Variants in PRKDC observed in about 807,000 individuals in gnomAD.
PRKDC encodes the protein protein kinase, DNA-activated, catalytic subunit, also known as DNA-dependent protein kinase catalytic subunit.
PRKDC carries 82 observed loss-of-function variants against 486.9 expected under a neutral mutation model. That is an observed-to-expected ratio of 0.17 (90% CI 0.14 to 0.20). The LOEUF is 0.20. Ranked by LOEUF, PRKDC falls within the 10% of genes least tolerant of loss-of-function variation. PRKDC has a pLI of 1.00. For missense variants in PRKDC, 4,504 were observed against 5,038.2 expected, an observed-to-expected ratio of 0.89 and a Z score of 3.21; for synonymous variants, 1,895 against 1,837.0, an observed-to-expected ratio of 1.03 and a Z score of -0.81.
intron 57 of PRKDC, 144 bp from the exon 58 acceptor site, chr8:47,836,671 C>A: frequency 1.3e-6 from 1 of 785,932 alleles, no homozygotes; most frequent in Non-Finnish European, 1.9e-6. Flanking sequence ...TGAAGAAGAA[C>A]CTTCTCTAAT....
At chr8:47,886,883 T>G (rs567922177) in intron 35 of PRKDC, among the ~76,000 whole-genome samples, 1 of 152,148 alleles carries the variant, frequency 6.6e-6, no homozygotes, top group African/African-American at 2.4e-5. Flanking sequence ...AGAAACAGGG[T>G]CTCGCTATGT....
At chr8:47,912,343 T>C in intron 25 of PRKDC, 67 bp downstream of exon 25, 1 of 1,434,740 alleles carries the variant, frequency 7.0e-7, no homozygotes, top group Admixed American at 2.5e-5. Context: ...ACTGCTCTGC[T>C]GACCACTGAA....
At chr8:47,910,916 GAAT>G (rs1306102406) in intron 25 of PRKDC, among the ~76,000 whole-genome samples, 1 of 151,792 alleles carries the variant, frequency 6.6e-6, no homozygotes, top group Non-Finnish European at 1.5e-5. Flanking sequence ...AAATATATGA[GAAT>G]AATATATGAA....
intron 34 of PRKDC, among the ~76,000 whole-genome samples, chr8:47,888,141 G>A (rs1305280557): frequency 6.6e-6 from 1 of 152,168 alleles, no homozygotes; most frequent in Non-Finnish European, 1.5e-5. Flanking sequence ...GCCTCCCAAA[G>A]TGCTGGGATT....
intron 27 of PRKDC, among the ~76,000 whole-genome samples, chr8:47,900,834 G>A (rs1195561268): frequency 2.6e-5 from 4 of 151,268 alleles, no homozygotes; most frequent in African/African-American, 9.7e-5. Context: ...GGGCAACAGA[G>A]CAAGACTCCA....
intron 41 of PRKDC, 100 bp from the exon 42 acceptor site, chr8:47,863,677 A>C (rs1454761305): frequency 9.6e-7 from 1 of 1,043,126 alleles, no homozygotes; most frequent in African/African-American, 1.7e-5. Flanking sequence ...TTAGACAGAC[A>C]GAATTTTAAC....
At chr8:47,891,084 C>G (rs2089446192) in intron 31 of PRKDC, among the ~76,000 whole-genome samples, 1 of 152,174 alleles carries the variant, frequency 6.6e-6, no homozygotes, top group Non-Finnish European at 1.5e-5. Flanking sequence ...TGAAAACACC[C>G]TGGAGCTTGT....
rs759650467 is a variant in PRKDC, at chr8:47,862,091, G to A, written c.5956C>T (p.Arg1986Cys). The A allele has an allele frequency of 3.0e-5, 47 of 1,552,466 alleles. 1 individual carries two copies. Among genetic ancestry groups the A allele is most frequent in the South Asian group, 2.0e-4 (17 of 83,500 alleles). Reference sequence around the variant, plus strand: ...ACTTCTACAGGAAAATTATAGCGGCGCTTCAGGTCGATCAGATTTTCAAAA... The same window carrying A: ...ACTTCTACAGGAAAATTATAGCGGCACTTCAGGTCGATCAGATTTTCAAAA... Reference protein sequence around the residue: ...LIFENLIDLKRRYNFPVEVEV... With the variant: ...LIFENLIDLKCRYNFPVEVEV... Residue 1986 changes from arginine (R) to cysteine (C), a missense_variant, in exon 44 of 86, where the codon CGC becomes TGC. Transcript: ENST00000314191.
Position 47,950,854 on chromosome 8 carries a change from T to C in PRKDC, c.721+2766A>G, listed in dbSNP as rs758351865. 1.7e-4 allele frequency among the ~76,000 whole-genome samples: 25 copies of C among 151,240 alleles called. 1 individual carries two copies. Among genetic ancestry groups the C allele is most frequent in the South Asian group, 4.2e-4 (2 of 4,794 alleles). On this transcript the variant is annotated intron_variant, in intron 7 of 85. Coordinates refer to ENST00000314191, the MANE Select transcript of PRKDC (RefSeq NM_006904.7). ...AAGGAGCCAGGCATGGTGGTGCCTA[T>C]AGTCTCAGCTATTTTTGATGCTGAG...
Position 47,936,461 on chromosome 8 carries a change from C to T in PRKDC, c.1170G>A (p.Gln390=). Residue 390 remains glutamine (Q), a synonymous_variant, in exon 12 of 86, where the codon CAG becomes CAA. Coordinates refer to ENST00000314191, the MANE Select transcript of PRKDC (RefSeq NM_006904.7). The part of the protein sequence containing the change: ...DVDFMYVELI[Q]RCKQMFLTQT... ...GGGTGAGGAACATCTGCTTGCAGCG[C>T]TGAATGAGCTCAACGTACATGAAGT... 6.2e-7 allele frequency: 1 copy of T among 1,614,012 alleles called. No individual in the cohort carries two copies. Among genetic ancestry groups the T allele is most frequent in the Admixed American group, 1.7e-5 (1 of 60,008 alleles).
At chr8:47,812,086 A>G (rs2087340867) in intron 68 of PRKDC, among the ~76,000 whole-genome samples, 1 of 152,254 alleles carries the variant, frequency 6.6e-6, no homozygotes, top group South Asian at 2.1e-4. Context: ...TTCATTAGGA[A>G]GACAGCAGTT....
Position 47,823,848 on chromosome 8 carries a change from T to C in PRKDC, c.8922+10A>G, listed in dbSNP as rs761917462. ...AGTAAATGTCATATTTTGCCAGAGATCAATTTTACCTCATCATACTGCTTA... is the reference window on the plus strand; with the variant it reads ...AGTAAATGTCATATTTTGCCAGAGACCAATTTTACCTCATCATACTGCTTA... On this transcript the variant is annotated intron_variant, in intron 64 of 85. Transcript: ENST00000314191. 33 of 1,612,408 alleles carry C rather than the reference T, an allele frequency of 2.0e-5. No individual in the cohort carries two copies. The highest frequency in any genetic ancestry group is 2.5e-5 in the Non-Finnish European group (29 of 1,179,188).
chr8:47,939,539 A>C lies in PRKDC; in HGVS notation c.1113+12T>G. The C allele has an allele frequency of 6.2e-7, 1 of 1,604,512 alleles. No individual in the cohort carries two copies. The highest frequency in any genetic ancestry group is 2.2e-5 in the East Asian group (1 of 44,802). On this transcript the variant is annotated intron_variant, in intron 11 of 85. Transcript: ENST00000314191. ...AAACCAAGACAAAATAGAGTAAGTT[A>C]ATGAGACATACTCCTGCAAAAAGTC...
chr8:47,838,051 G>T (rs570702394), intron 56 of PRKDC, among the ~76,000 whole-genome samples: 2 of 151,936 alleles, frequency 1.3e-5, no homozygotes, highest in African/African-American at 4.8e-5. Context: ...CAGGAGAATC[G>T]CTTGAACCTA....
At chr8:47,827,768 T>A (rs976526401) in intron 62 of PRKDC, among the ~76,000 whole-genome samples, 2 of 152,200 alleles carry the variant, frequency 1.3e-5, no homozygotes, top group African/African-American at 4.8e-5. Context: ...TTTTGCCTCT[T>A]CATCAATGTG....
At chr8:47,909,301 C>A (rs571764872) in intron 25 of PRKDC, among the ~76,000 whole-genome samples, 12 of 152,276 alleles carry the variant, frequency 7.9e-5, no homozygotes, top group Non-Finnish European at 1.5e-4. Context: ...TAATTTCTTA[C>A]ACCTCTCTTT....
intron 15 of PRKDC, among the ~76,000 whole-genome samples, 167 bp from the exon 16 acceptor site, chr8:47,933,339 C>A (rs138132851): frequency 6.6e-6 from 1 of 152,122 alleles, no homozygotes; most frequent in African/African-American, 2.4e-5. Context: ...TTGCAAGATA[C>A]CTTCCTAAAT....
intron 23 of PRKDC, among the ~76,000 whole-genome samples, chr8:47,914,599 A>G (rs2089958782): frequency 6.6e-6 from 1 of 152,128 alleles, no homozygotes; most frequent in African/African-American, 2.4e-5. Context: ...CAGGAGTTGA[A>G]GACCAGCCTG....
At chr8:47,840,403 T>C (rs1488713349) in intron 54 of PRKDC, among the ~76,000 whole-genome samples, 1 of 152,130 alleles carries the variant, frequency 6.6e-6, no homozygotes, top group Non-Finnish European at 1.5e-5. Flanking sequence ...GATCCTGAAA[T>C]AGAAAAAGGA....
Sources: allele counts gnomAD v4.1 joint callset (sites outside exome capture counted in the v4.1 genomes callset), GRCh38; gene constraint gnomAD v4.1.1; transcripts MANE v1.5; gene names NCBI Gene and HGNC (gene_info 2026-07-23, HGNC 2026-07-21).